The following IL34 variants were observed in gnomAD, a reference collection of about 807,000 sequenced individuals.
IL34 encodes interleukin 34, also known as interleukin-34.
Under a neutral mutation model 25.3 loss-of-function variants are expected in IL34, and 17 were observed. That is an observed-to-expected ratio of 0.67 (90% CI 0.46 to 1.01). The LOEUF (loss-of-function observed/expected upper bound fraction) is 1.01. IL34 is among the 50% of genes least tolerant of loss of function. IL34 has a pLI of 0.00. For missense variants in IL34, 368 were observed against 312.9 expected (o/e 1.18, Z -1.33); for synonymous variants, 174 against 140.9 (o/e 1.23, Z -1.66).
At chr16:70,659,558 C>G (rs571538473) in intron 4 of IL34, 60 bp from the exon 5 acceptor site, 3 of 1,542,982 alleles carry the variant, frequency 1.9e-6, no homozygotes, top group Non-Finnish European at 2.6e-6. Flanking sequence ...ACAGCCCTCA[C>G]GGCTCTCCTG....
intron 2 of IL34, among the ~76,000 whole-genome samples, chr16:70,656,154 A>T (rs1311438277): frequency 6.6e-6 from 1 of 152,166 alleles, no homozygotes; most frequent in Non-Finnish European, 1.5e-5. Context: ...AAGTGTTTTT[A>T]TCCCAGCTGG....
chr16:70,654,276 C>T, intron 1 of IL34: 1 of 333,334 alleles, frequency 3.0e-6, no homozygotes, highest in Non-Finnish European at 5.5e-6. Flanking sequence ...GACGTCGACC[C>T]TGAGGCGTGC....
intron 1 of IL34, among the ~76,000 whole-genome samples, chr16:70,609,403 T>C (rs911977640): frequency 2.0e-5 from 3 of 152,158 alleles, no homozygotes; most frequent in Admixed American, 6.5e-5. Context: ...TTGAATCTTA[T>C]GCCACAGCTC....
At chr16:70,600,279 T>G (rs2050896214) in intron 1 of IL34, among the ~76,000 whole-genome samples, 1 of 152,182 alleles carries the variant, frequency 6.6e-6, no homozygotes, top group South Asian at 2.1e-4. Flanking sequence ...AATCCATCCC[T>G]TCTCCAATCA....
intron 1 of IL34, among the ~76,000 whole-genome samples, chr16:70,609,940 A>T (rs1028830534): frequency 6.6e-6 from 1 of 152,208 alleles, no homozygotes; most frequent in African/African-American, 2.4e-5. Context: ...GTGGTGGCTC[A>T]TGCCTGTAAT....
chr16:70,656,865 C>T (rs1474712929), intron 3 of IL34, 95 bp from the exon 4 acceptor site: 2 of 1,389,934 alleles, frequency 1.4e-6, no homozygotes, highest in South Asian at 2.5e-5. Context: ...CGGCCCGCGT[C>T]TGCTCCCTAT....
At chr16:70,604,569 C>T (rs574917347) in intron 1 of IL34, among the ~76,000 whole-genome samples, 5 of 152,348 alleles carry the variant, frequency 3.3e-5, no homozygotes, top group South Asian at 2.1e-4. Flanking sequence ...GCTCTGTTCA[C>T]CAAGAATTCC....
At chr16:70,617,693 C>G (rs1281045538) in intron 1 of IL34, among the ~76,000 whole-genome samples, 1 of 152,028 alleles carries the variant, frequency 6.6e-6, no homozygotes, top group Non-Finnish European at 1.5e-5. Context: ...TTTTAAAAGA[C>G]CTTTAGTCCA....
intron 1 of IL34, among the ~76,000 whole-genome samples, chr16:70,622,506 C>A (rs556244841): frequency 9.5e-4 from 144 of 151,798 alleles, no homozygotes; most frequent in South Asian, 3.8e-3. Flanking sequence ...GCATAGCCTG[C>A]CTTTGCTGGT....
chr16:70,618,666 A>G (rs1409367651), intron 1 of IL34, among the ~76,000 whole-genome samples: 3 of 152,158 alleles, frequency 2.0e-5, no homozygotes, highest in African/African-American at 4.8e-5. Flanking sequence ...AATTCTGACC[A>G]CGCTAACCAT....
intron 1 of IL34, among the ~76,000 whole-genome samples, chr16:70,629,992 C>G (rs776477875): frequency 6.6e-6 from 1 of 152,226 alleles, no homozygotes; most frequent in Non-Finnish European, 1.5e-5. Context: ...ATCATTTCCA[C>G]TTCCTCCCAC....
intron 1 of IL34, among the ~76,000 whole-genome samples, chr16:70,604,807 G>A (rs1356121591): frequency 1.3e-5 from 2 of 152,186 alleles, no homozygotes; most frequent in African/African-American, 2.4e-5. Flanking sequence ...AGCGGGGACC[G>A]AGGGCCTGGG....
intron 1 of IL34, among the ~76,000 whole-genome samples, chr16:70,590,871 G>A (rs928127373): frequency 6.6e-6 from 1 of 152,144 alleles, no homozygotes; most frequent in Non-Finnish European, 1.5e-5. Flanking sequence ...AGTTCCTGGG[G>A]TCAGGGGTGC....
intron 1 of IL34, among the ~76,000 whole-genome samples, chr16:70,649,228 G>C (rs2052018487): frequency 6.6e-6 from 1 of 152,348 alleles, no homozygotes; most frequent in East Asian, 1.9e-4. Flanking sequence ...AGCTCCTGCA[G>C]AGCAGGGCTG....
intron 1 of IL34, among the ~76,000 whole-genome samples, chr16:70,582,975 G>C (rs1567433342): frequency 6.6e-6 from 1 of 152,196 alleles, no homozygotes; most frequent in African/African-American, 2.4e-5. Flanking sequence ...AGATGTTTGG[G>C]AGACCTGCAG....
intron 1 of IL34, among the ~76,000 whole-genome samples, chr16:70,622,150 G>C (rs1447763899): frequency 6.6e-6 from 1 of 152,018 alleles, no homozygotes; most frequent in African/African-American, 2.4e-5. Flanking sequence ...ATAGAGGGGG[G>C]AAGGCTAAAC....
chr16:70,630,480 C>T (rs865842381), intron 1 of IL34, among the ~76,000 whole-genome samples: 62 of 152,018 alleles, frequency 4.1e-4, no homozygotes, highest in African/African-American at 1.3e-3. Flanking sequence ...GATCTGCCAG[C>T]GTCGGCCTCC....
At chr16:70,633,255 ATTTT>A (rs576875832) in intron 1 of IL34, among the ~76,000 whole-genome samples, 15 of 145,394 alleles carry the variant, frequency 1.0e-4, no homozygotes, top group African/African-American at 2.5e-4. Flanking sequence ...GCCCAGACTG[ATTTT>A]TTTTTTTCTT....
intron 1 of IL34, 64 bp downstream of exon 1, chr16:70,647,039 C>T (rs374377265): frequency 1.3e-5 from 18 of 1,341,100 alleles, no homozygotes; most frequent in Admixed American, 4.0e-5. Context: ...CAGGATCTGC[C>T]GTAACCATAG....
Sources: gnomAD v4.1 joint callset for allele counts (sites outside exome capture counted in the v4.1 genomes callset) on GRCh38, gnomAD v4.1.1 for gene constraint, MANE v1.5 for transcripts, NCBI Gene and HGNC (gene_info 2026-07-23, HGNC 2026-07-21) for gene names.